Variants in ADGRL2 observed in about 807,000 individuals in gnomAD.
ADGRL2 encodes the protein calcium-independent alpha-latrotoxin receptor 2.
In ADGRL2, 44 loss-of-function variants were observed where a neutral mutation model predicts 157.4. That is an observed-to-expected ratio of 0.28 (90% CI 0.22 to 0.36). ADGRL2 has a LOEUF of 0.36. Ranked by LOEUF, ADGRL2 falls within the 10% of genes least tolerant of loss-of-function variation. The probability of loss-of-function intolerance (pLI) is 1.00; values close to 1 mark genes in which losing one functional copy is unlikely to be tolerated. For synonymous variants in ADGRL2, 585 were observed against 624.7 expected (o/e 0.94, Z 0.95); for missense variants, 1,510 against 1,768.9 (o/e 0.85, Z 2.63).
chr1:81,584,662 TA>T (rs2080987155), intron 3 of ADGRL2, among the ~76,000 whole-genome samples: 1 of 152,110 alleles, frequency 6.6e-6, no homozygotes, highest in African/African-American at 2.4e-5. Context: ...CCTATTTAAC[TA>T]AACAAAAGTG....
intron 1 of ADGRL2, among the ~76,000 whole-genome samples, chr1:81,810,493 T>A (rs1330368675): frequency 6.6e-6 from 1 of 151,902 alleles, no homozygotes; most frequent in African/African-American, 2.4e-5. Flanking sequence ...GGTTATTGAT[T>A]AGAAATTACA....
chr1:81,553,199 A>C (rs2148399086), intron 2 of ADGRL2, among the ~76,000 whole-genome samples: 1 of 152,320 alleles, frequency 6.6e-6, no homozygotes, highest in African/African-American at 2.4e-5. Flanking sequence ...TGAATTGATA[A>C]AAAATTAAAT....
chr1:81,969,939 A>G (rs1049461227), intron 15 of ADGRL2, among the ~76,000 whole-genome samples: 8 of 152,206 alleles, frequency 5.3e-5, no homozygotes, highest in African/African-American at 1.7e-4. Context: ...ATATTTGCAA[A>G]CAACACTTTT....
At chr1:81,771,939 A>G (rs2086388260) in intron 2 of ADGRL2, among the ~76,000 whole-genome samples, 1 of 152,134 alleles carries the variant, frequency 6.6e-6, no homozygotes. Flanking sequence ...TTTTGCATGT[A>G]AAACTATATT....
chr1:81,889,895 C>CTTTG (rs2094216728), intron 2 of ADGRL2, among the ~76,000 whole-genome samples: 1 of 152,064 alleles, frequency 6.6e-6, no homozygotes, highest in Admixed American at 6.6e-5. Flanking sequence ...ACAGATGTAC[C>CTTTG]CACCCTTCTC....
chr1:81,506,799 G>A lies in ADGRL2; in HGVS notation c.-248+61710G>A, dbSNP rs1165135208. Among the ~76,000 whole-genome samples the A allele has an allele frequency of 2.0e-5, 3 of 152,078 alleles. No individual in the cohort carries two copies. The East Asian group carries it at 5.8e-4, about 29-fold the overall frequency. On this transcript the variant is annotated intron_variant, in intron 2 of 24. Transcript: ENST00000370721. ...TTGAGTTACCAAAGGCCCTGTTAAC[G>A]CCTGCAACAAAAAAGATTGCTGAAT... is the stretch of plus-strand genomic sequence containing the variant.
At chr1:81,538,071 A>T (rs141941954) in intron 2 of ADGRL2, among the ~76,000 whole-genome samples, 2 of 152,190 alleles carry the variant, frequency 1.3e-5, no homozygotes, top group Non-Finnish European at 2.9e-5. Flanking sequence ...CGATTTCATA[A>T]TCATGCTTTT....
At chr1:81,388,785 G>T (rs984303138) in intron 1 of ADGRL2, among the ~76,000 whole-genome samples, 2 of 152,016 alleles carry the variant, frequency 1.3e-5, no homozygotes, top group Non-Finnish European at 2.9e-5. Flanking sequence ...ACTATTTTTT[G>T]ATATTTTTCA....
At chr1:81,469,837 G>A (rs986057770) in intron 2 of ADGRL2, among the ~76,000 whole-genome samples, 3 of 152,096 alleles carry the variant, frequency 2.0e-5, no homozygotes, top group Non-Finnish European at 4.4e-5. Context: ...TGAACACCTC[G>A]TCAGTGTGCT....
chr1:81,813,290 C>G (rs1286142976), intron 1 of ADGRL2, among the ~76,000 whole-genome samples: 1 of 151,516 alleles, frequency 6.6e-6, no homozygotes, highest in Non-Finnish European at 1.5e-5. Flanking sequence ...GTTCATTTCT[C>G]TTATTTTATC....
intron 1 of ADGRL2, among the ~76,000 whole-genome samples, chr1:81,393,686 G>A (rs1233168579): frequency 6.6e-6 from 1 of 152,058 alleles, no homozygotes; most frequent in African/African-American, 2.4e-5. Flanking sequence ...CCTAGCCAAA[G>A]TTTAATACTA....
upstream of ADGRL2, among the ~76,000 whole-genome samples, chr1:81,800,043 G>T (rs891040769): frequency 6.6e-6 from 1 of 152,204 alleles, no homozygotes; most frequent in South Asian, 2.1e-4. Context: ...ATTGCCAACC[G>T]AGAGGGGCAA....
chr1:81,467,914 T>C (rs1023794729), intron 2 of ADGRL2, among the ~76,000 whole-genome samples: 1 of 152,150 alleles, frequency 6.6e-6, no homozygotes, highest in Non-Finnish European at 1.5e-5. Context: ...AAAATCAGAA[T>C]TGAAATTAGT....
intron 2 of ADGRL2, among the ~76,000 whole-genome samples, chr1:81,793,641 A>G (rs1352821030): frequency 6.6e-6 from 1 of 152,108 alleles, no homozygotes; most frequent in Admixed American, 6.5e-5. Flanking sequence ...ACAGTTTTCT[A>G]AATATTCAAT....
chr1:81,754,170 C>T, intron 1 of ADGRL2, among the ~76,000 whole-genome samples: 1 of 151,820 alleles, frequency 6.6e-6, no homozygotes, highest in East Asian at 1.9e-4. Context: ...CCCTTCCTCC[C>T]TCCCTCCTTT....
At chr1:81,484,086 TG>T (rs2078449172) in intron 2 of ADGRL2, among the ~76,000 whole-genome samples, 1 of 152,192 alleles carries the variant, frequency 6.6e-6, no homozygotes, top group Admixed American at 6.5e-5. Context: ...ATATACCTTC[TG>T]GGGGCTACTT....
chr1:81,638,508 A>G lies in ADGRL2; in HGVS notation c.-143+57528A>G, dbSNP rs529847771. ...TATACTTGTATAAGTGCGATAAATA[A>G]CAGCTATAATAAAAGCAATGAGAGG... On this transcript the variant is annotated intron_variant, in intron 3 of 24. Transcript: ENST00000370721. Among the ~76,000 whole-genome samples the G allele has an allele frequency of 2.0e-5, 3 of 152,336 alleles. No individual in the cohort carries two copies. The South Asian group carries it at 6.2e-4, about 32-fold the overall frequency.
chr1:81,367,931 T>C (rs1265314703), intron 1 of ADGRL2, among the ~76,000 whole-genome samples: 1 of 152,238 alleles, frequency 6.6e-6, no homozygotes, highest in Non-Finnish European at 1.5e-5. Context: ...CTATCATTGA[T>C]GGGCATTTGG....
chr1:81,502,882 G>A (rs1382039029), intron 2 of ADGRL2: 2 of 1,613,260 alleles, frequency 1.2e-6, no homozygotes, highest in African/African-American at 2.7e-5. Flanking sequence ...TCCCATCCTT[G>A]GGCTTGGCTC....
Sources: allele counts gnomAD v4.1 joint callset (sites outside exome capture counted in the v4.1 genomes callset), GRCh38; gene constraint gnomAD v4.1.1; transcripts MANE v1.5; gene names NCBI Gene and HGNC (gene_info 2026-07-23, HGNC 2026-07-21).